FAM13A: variants seen among roughly 807,000 people sequenced by gnomAD.
FAM13A encodes protein FAM13A.
Under a neutral mutation model 129.6 loss-of-function variants are expected in FAM13A, and 76 were observed. The observed-to-expected ratio is 0.59, with a 90% CI of 0.49 to 0.71. FAM13A has a LOEUF of 0.71. Among genes scored for constraint, FAM13A ranks in the 30% least tolerant of loss-of-function variants. The probability of loss-of-function intolerance (pLI) is 0.00; values close to 1 mark genes in which losing one functional copy is unlikely to be tolerated. For missense variants in FAM13A, 1,108 were observed against 1,249.3 expected, an observed-to-expected ratio of 0.89 and a Z score of 1.70; for synonymous variants, 443 against 449.9, an observed-to-expected ratio of 0.98 and a Z score of 0.20.
chr4:89,015,424 C>T (rs1453682719), intron 3 of FAM13A, among the ~76,000 whole-genome samples: 2 of 152,104 alleles, frequency 1.3e-5, no homozygotes, highest in Admixed American at 6.6e-5. Flanking sequence ...TGTGATGTCT[C>T]CCCCGGACAC....
chr4:88,936,852 G>A (rs2148809587), intron 5 of FAM13A: 1 of 152,028 alleles, frequency 6.6e-6, no homozygotes, highest in South Asian at 2.1e-4. Flanking sequence ...ACATATTTAT[G>A]GGGTATATGT....
intron 1 of FAM13A, among the ~76,000 whole-genome samples, chr4:89,056,065 A>C (rs914816488): frequency 6.6e-6 from 1 of 152,192 alleles, no homozygotes; most frequent in African/African-American, 2.4e-5. Context: ...GTGAGCAGTT[A>C]AGGTGATAAT....
intron 3 of FAM13A, among the ~76,000 whole-genome samples, chr4:89,009,316 G>A (rs986262759): frequency 3.9e-5 from 6 of 152,190 alleles, no homozygotes; most frequent in African/African-American, 1.4e-4. Flanking sequence ...TTGTACTGTA[G>A]ATGATTAGGA....
intron 6 of FAM13A, among the ~76,000 whole-genome samples, chr4:88,900,588 A>T (rs1747133067): frequency 6.6e-6 from 1 of 152,162 alleles, no homozygotes; most frequent in African/African-American, 2.4e-5. Context: ...TTTGCAGACA[A>T]GCAAATTCCA....
Position 88,732,100 on chromosome 4 carries a change from G to T in FAM13A, c.2745C>A (p.Phe915Leu). ...AAATAAATCCATCAGCGTCATCTTC[G>T]AATTGGTCCAGAAAGCATCGTGCAC... ...DFSARCFLDQFEDDADGFISP... is the reference protein window; with the variant it reads ...DFSARCFLDQLEDDADGFISP... Residue 915 changes from phenylalanine to leucine, a missense_variant, in exon 22 of 24, where the codon TTC becomes TTA. Phe to Leu is a conservative substitution (Grantham distance 22). Coordinates refer to ENST00000264344, the MANE Select transcript of FAM13A (RefSeq NM_014883.4). The T allele has an allele frequency of 6.2e-7, 1 of 1,613,762 alleles. No individual in the cohort carries two copies. Among genetic ancestry groups the T allele is most frequent in the East Asian group, 2.2e-5 (1 of 44,856 alleles).
intron 5 of FAM13A, among the ~76,000 whole-genome samples, chr4:88,919,418 T>TTTTTTTTTTTTTTTTGAGACGGAGTCTC (rs1750643751): frequency 6.6e-6 from 1 of 152,258 alleles, no homozygotes; most frequent in Admixed American, 6.5e-5. Context: ...ATGACTTTCT[T>TTTTTTTTTTTTTTTTGAGACGGAGTCTC]GAAGGAAATT....
intron 1 of FAM13A, among the ~76,000 whole-genome samples, chr4:89,033,228 A>G (rs1768936032): frequency 6.6e-6 from 1 of 152,242 alleles, no homozygotes. Context: ...TTTAAAAGAT[A>G]AGAAAAAATC....
chr4:89,020,117 G>A (rs570444489), intron 3 of FAM13A, among the ~76,000 whole-genome samples: 24 of 151,960 alleles, frequency 1.6e-4, no homozygotes, highest in Non-Finnish European at 2.9e-4. Flanking sequence ...ATTTAATAAC[G>A]GTATTTCATA....
chr4:88,736,218 A>G (rs1738951973), intron 21 of FAM13A: 1 of 152,224 alleles, frequency 6.6e-6, no homozygotes, highest in Admixed American at 6.5e-5. Context: ...TGTTTACAGC[A>G]TTTTCATAAA....
intron 4 of FAM13A, among the ~76,000 whole-genome samples, chr4:88,961,884 T>C (rs1021415421): frequency 2.0e-5 from 3 of 152,214 alleles, no homozygotes; most frequent in African/African-American, 4.8e-5. Context: ...TAATCTTATA[T>C]ATAGCAGGTA....
chr4:88,907,771 C>T (rs560266526), intron 5 of FAM13A, among the ~76,000 whole-genome samples: 1 of 152,326 alleles, frequency 6.6e-6, no homozygotes, highest in South Asian at 2.1e-4. Context: ...ATATATTACT[C>T]ATCTCCGATA....
chr4:89,044,218 C>A (rs1263287056), intron 1 of FAM13A, among the ~76,000 whole-genome samples: 2 of 151,640 alleles, frequency 1.3e-5, no homozygotes, highest in Non-Finnish European at 2.9e-5. Flanking sequence ...TAAAGAATTG[C>A]AACAATTCAA....
At chr4:89,020,735 TAAC>T (rs1371701394) in intron 2 of FAM13A, 66 bp from the exon 3 acceptor site, 7 of 1,028,828 alleles carry the variant, frequency 6.8e-6, no homozygotes, top group Non-Finnish European at 1.1e-5. Flanking sequence ...TAAAGAATGA[TAAC>T]AACACAAAGA....
Position 88,851,190 on chromosome 4 carries a change from G to T in FAM13A, c.844-7C>A, listed in dbSNP as rs201019743. 7.2e-5 allele frequency: 94 copies of T among 1,312,650 alleles called. No individual in the cohort carries two copies. The highest frequency in any genetic ancestry group is 2.3e-4 in the Middle Eastern group (1 of 4,386). 81.3% of individuals were successfully genotyped at this position (1,312,650 alleles called of 1,614,324 possible). The stretch of plus-strand genomic sequence containing the variant: ...CACTCCTGGATTTTGGGATCTAGAA[G>T]AAAAAAAAAAGAGGGGTGGGGGAGA... On this transcript the variant is annotated splice_polypyrimidine_tract_variant and splice_region_variant and intron_variant, in intron 6 of 23. Coordinates refer to ENST00000264344, the MANE Select transcript of FAM13A (RefSeq NM_014883.4).
At chr4:89,017,748 G>C (rs1290271930) in intron 3 of FAM13A, among the ~76,000 whole-genome samples, 1 of 151,970 alleles carries the variant, frequency 6.6e-6, no homozygotes, top group Middle Eastern at 3.2e-3. Context: ...AATATTCCTT[G>C]TAAAAAGGAT....
intron 6 of FAM13A, among the ~76,000 whole-genome samples, chr4:88,857,743 T>G (rs1229639588): frequency 6.6e-6 from 1 of 152,000 alleles, no homozygotes; most frequent in African/African-American, 2.4e-5. Flanking sequence ...TCCTCAACTC[T>G]GCCCCTCTCA....
chr4:89,007,178 C>G (rs1224423472), intron 3 of FAM13A, among the ~76,000 whole-genome samples: 1 of 152,186 alleles, frequency 6.6e-6, no homozygotes, highest in Non-Finnish European at 1.5e-5. Flanking sequence ...AAGTTTGACA[C>G]ATTTCCCTTA....
intron 5 of FAM13A, 73 bp downstream of exon 5, chr4:88,938,015 A>G (rs555504286): frequency 1.7e-6 from 2 of 1,173,172 alleles, no homozygotes; most frequent in East Asian, 2.3e-5. Context: ...TGGAATTTTT[A>G]TGAGAAAGAA....
rs554547353 is a variant in FAM13A, at chr4:88,835,587, A to G, written c.1007+15433T>C. Among the ~76,000 whole-genome samples the G allele has an allele frequency of 1.5e-3, 233 of 152,252 alleles. 7 individuals are homozygous for G. In the South Asian group the frequency reaches 0.047, roughly 31 times the overall value. On this transcript the variant is annotated intron_variant, in intron 7 of 23. Coordinates refer to ENST00000264344, the MANE Select transcript of FAM13A (RefSeq NM_014883.4). ...ATACAATTCATCATAATGTAGAATC[A>G]GTGGGAGCCCTGAGTTTGTTATCCT...
Sources: allele counts gnomAD v4.1 joint callset (sites outside exome capture counted in the v4.1 genomes callset), GRCh38; gene constraint gnomAD v4.1.1; transcripts MANE v1.5; gene names NCBI Gene and HGNC (gene_info 2026-07-23, HGNC 2026-07-21).